Variants in GRIP1 observed in about 807,000 individuals in gnomAD.
GRIP1 encodes glutamate receptor interacting protein 1.
Under a neutral mutation model 129.9 loss-of-function variants are expected in GRIP1, and 45 were observed. The ratio of observed to expected loss-of-function variants is 0.35; its 90% CI spans 0.27 to 0.44. GRIP1 has a LOEUF of 0.44. Ranked by LOEUF, GRIP1 falls within the 20% of genes least tolerant of loss-of-function variation. The pLI is 1.00. For missense variants in GRIP1, 1,196 were observed against 1,396.8 expected, an observed-to-expected ratio of 0.86 and a Z score of 2.29; for synonymous variants, 530 against 520.8, an observed-to-expected ratio of 1.02 and a Z score of -0.24.
chr12:66,615,299 G>A (rs1397840065), intron 1 of GRIP1, among the ~76,000 whole-genome samples: 1 of 152,102 alleles, frequency 6.6e-6, no homozygotes, highest in Non-Finnish European at 1.5e-5. Flanking sequence ...TAGAGTTCAA[G>A]GACTGGGAAG....
intron 1 of GRIP1, among the ~76,000 whole-genome samples, chr12:66,928,310 G>A (rs1016444209): frequency 1.7e-4 from 26 of 152,222 alleles, no homozygotes; most frequent in Non-Finnish European, 3.1e-4. Context: ...AGACCCAGTC[G>A]GAGAGTAAAG....
intron 1 of GRIP1, among the ~76,000 whole-genome samples, chr12:67,053,651 C>A (rs1290224346): frequency 6.6e-6 from 1 of 151,762 alleles, no homozygotes; most frequent in Non-Finnish European, 1.5e-5. Flanking sequence ...ACCAACATGG[C>A]AAAACCTCAT....
chr12:67,065,939 C>T (rs1433067462), intron 1 of GRIP1, among the ~76,000 whole-genome samples: 1 of 152,060 alleles, frequency 6.6e-6, no homozygotes, highest in African/African-American at 2.4e-5. Flanking sequence ...AAACATTTAC[C>T]CCAAAGTGTA....
intron 16 of GRIP1, among the ~76,000 whole-genome samples, chr12:66,395,602 A>C (rs1458527991): frequency 6.6e-6 from 1 of 152,194 alleles, no homozygotes; most frequent in Non-Finnish European, 1.5e-5. Flanking sequence ...GCCAGCACTT[A>C]CTTCACTTCT....
intron 1 of GRIP1, among the ~76,000 whole-genome samples, chr12:66,988,077 C>A (rs2042339719): frequency 6.6e-6 from 1 of 152,086 alleles, no homozygotes; most frequent in Non-Finnish European, 1.5e-5. Flanking sequence ...ACAAAAGAAA[C>A]AATAAATAAA....
chr12:66,401,598 G>GTGTATATA (rs71096098), intron 16 of GRIP1, among the ~76,000 whole-genome samples: 1,254 of 66,254 alleles, frequency 0.019, 82 homozygotes, highest in Middle Eastern at 0.055. Flanking sequence ...AAATATGTGT[G>GTGTATATA]TATATATATA....
At chr12:66,407,387 T>A (rs1346595956) in intron 15 of GRIP1, 1 of 152,272 alleles carries the variant, frequency 6.6e-6, no homozygotes, top group African/African-American at 2.4e-5. Flanking sequence ...AAAAATCAGA[T>A]GAGCAATCAC....
rs889501599 is a variant in GRIP1, at chr12:66,884,214, G to A, written c.58+184836C>T. Among the ~76,000 whole-genome samples the A allele has an allele frequency of 2.0e-5, 3 of 152,354 alleles. No individual in the cohort carries two copies. In the South Asian group the frequency reaches 6.2e-4, roughly 32 times the overall value. ...TACGTATTTTGTTAATAATTTCAGT[G>A]AGACCGCTTAGCGCTTTTGCTAGCA... is the stretch of plus-strand genomic sequence containing the variant. On this transcript the variant is annotated intron_variant, in intron 1 of 1. Transcript: ENST00000643019.
chr12:66,818,905 C>T (rs2039271307), intron 1 of GRIP1, among the ~76,000 whole-genome samples: 1 of 152,106 alleles, frequency 6.6e-6, no homozygotes, highest in Non-Finnish European at 1.5e-5. Context: ...AGAGAAGAGC[C>T]TTGGTTTACT....
intron 1 of GRIP1, among the ~76,000 whole-genome samples, chr12:66,860,263 G>A (rs577783695): frequency 4.6e-5 from 7 of 152,152 alleles, no homozygotes; most frequent in Non-Finnish European, 7.4e-5. Flanking sequence ...AAGTCATCAC[G>A]TGCTTGCTGT....
intron 7 of GRIP1, among the ~76,000 whole-genome samples, chr12:66,472,026 C>A (rs76877018): frequency 0.014 from 2,058 of 152,264 alleles, 52 homozygotes; most frequent in African/African-American, 0.047. Flanking sequence ...ATAAGGCACT[C>A]TTATGCTGGC....
chr12:66,927,401 A>C (rs887432372), intron 1 of GRIP1, among the ~76,000 whole-genome samples: 2 of 152,198 alleles, frequency 1.3e-5, no homozygotes, highest in Non-Finnish European at 2.9e-5. Context: ...AATAGAACAC[A>C]TATTGATTGA....
chr12:66,350,757 C>T (rs1265169082), intron 24 of GRIP1, among the ~76,000 whole-genome samples: 1 of 152,172 alleles, frequency 6.6e-6, no homozygotes, highest in Non-Finnish European at 1.5e-5. Flanking sequence ...ATCTTACCTA[C>T]CCCTACCTGG....
chr12:66,474,570 G>T (rs924692471), intron 7 of GRIP1, among the ~76,000 whole-genome samples: 25 of 152,294 alleles, frequency 1.6e-4, no homozygotes, highest in Non-Finnish European at 3.5e-4. Flanking sequence ...GTTAAGGGCA[G>T]CCAGAGAGAA....
intron 1 of GRIP1, among the ~76,000 whole-genome samples, chr12:66,952,718 T>C (rs2041777570): frequency 6.6e-6 from 1 of 152,334 alleles, no homozygotes; most frequent in South Asian, 2.1e-4. Flanking sequence ...TGACTCAATA[T>C]ATTCAACATC....
intron 7 of GRIP1, among the ~76,000 whole-genome samples, chr12:66,481,747 A>G (rs192246408): frequency 5.3e-5 from 8 of 152,314 alleles, no homozygotes; most frequent in Non-Finnish European, 8.8e-5. Flanking sequence ...GCGCATATAT[A>G]CCATGGAATA....
At chr12:67,000,297 C>T (rs934868595) in intron 1 of GRIP1, among the ~76,000 whole-genome samples, 2 of 151,880 alleles carry the variant, frequency 1.3e-5, no homozygotes, top group Non-Finnish European at 2.9e-5. Flanking sequence ...ACATAAAAAT[C>T]AAAGAATACC....
chr12:66,362,682 A>G (rs1047823657), intron 23 of GRIP1, among the ~76,000 whole-genome samples: 2 of 151,910 alleles, frequency 1.3e-5, no homozygotes, highest in African/African-American at 4.9e-5. Context: ...TCAGGGAGGG[A>G]TGAATGGTCC....
chr12:66,611,169 T>A (rs2064777672), intron 1 of GRIP1, among the ~76,000 whole-genome samples: 1 of 152,158 alleles, frequency 6.6e-6, no homozygotes, highest in African/African-American at 2.4e-5. Flanking sequence ...TACCTGAATA[T>A]CATCACATTT....
Sources: allele counts gnomAD v4.1 joint callset (sites outside exome capture counted in the v4.1 genomes callset), GRCh38; gene constraint gnomAD v4.1.1; transcripts MANE v1.5; gene names NCBI Gene and HGNC (gene_info 2026-07-23, HGNC 2026-07-21).